CDH4: variants seen among roughly 807,000 people sequenced by gnomAD.
CDH4 encodes cadherin 4, also known as cadherin-4.
CDH4 carries 33 observed loss-of-function variants against 86.0 expected under a neutral mutation model. The ratio of observed to expected loss-of-function variants is 0.38; its 90% confidence interval spans 0.29 to 0.51. The LOEUF is 0.51. Among genes scored for constraint, CDH4 ranks in the 20% least tolerant of loss-of-function variants. The pLI is 0.86. For synonymous variants in CDH4, 555 were observed against 549.4 expected (o/e 1.01, Z -0.14); for missense variants, 1,114 against 1,307.4 (o/e 0.85, Z 2.28).
Position 61,336,045 on chromosome 20 carries a change from C to T in CDH4, c.169+81108C>T, listed in dbSNP as rs971294120. On this transcript the variant is annotated intron_variant, in intron 2 of 15. Coordinates refer to ENST00000614565, the MANE Select transcript of CDH4 (RefSeq NM_001794.5). ...CTCAAGGTTTTTTGTCATTATCCAGCTTGTTTTCGATACTGTGGGGGAGAA... is the reference window on the plus strand; with the variant it reads ...CTCAAGGTTTTTTGTCATTATCCAGTTTGTTTTCGATACTGTGGGGGAGAA... Among the ~76,000 whole-genome samples the T allele has an allele frequency of 4.6e-5, 7 of 152,150 alleles. No individual in the cohort carries two copies. The East Asian group carries it at 1.2e-3, about 25-fold the overall frequency.
intron 2 of CDH4, among the ~76,000 whole-genome samples, chr20:61,594,902 C>T (rs2086544214): frequency 6.6e-6 from 1 of 152,228 alleles, no homozygotes; most frequent in African/African-American, 2.4e-5. Context: ...TCATGAAGTC[C>T]TCAGTGTGGC....
At chr20:61,369,332 T>G (rs1209167793) in intron 2 of CDH4, among the ~76,000 whole-genome samples, 1 of 150,756 alleles carries the variant, frequency 6.6e-6, no homozygotes, top group African/African-American at 2.4e-5. Flanking sequence ...GCACCTGTAG[T>G]CCCAGCTACT....
At chr20:61,346,136 A>T (rs2084678174) in intron 2 of CDH4, among the ~76,000 whole-genome samples, 1 of 152,158 alleles carries the variant, frequency 6.6e-6, no homozygotes, top group African/African-American at 2.4e-5. Context: ...GGTGATGTGC[A>T]GTCAGGACAG....
chr20:61,731,489 T>C (rs796223313), intron 2 of CDH4, among the ~76,000 whole-genome samples: 42 of 152,212 alleles, frequency 2.8e-4, no homozygotes, highest in African/African-American at 9.9e-4. Flanking sequence ...GCCCATAGGG[T>C]GCACCTGGAG....
chr20:61,469,600 T>C (rs993856711), intron 2 of CDH4, among the ~76,000 whole-genome samples: 3 of 152,220 alleles, frequency 2.0e-5, no homozygotes, highest in Admixed American at 6.5e-5. Flanking sequence ...TTTAGTTGCC[T>C]GTGCTTGTGG....
intron 2 of CDH4, among the ~76,000 whole-genome samples, chr20:61,605,230 G>A (rs1288112207): frequency 6.6e-6 from 1 of 152,184 alleles, no homozygotes; most frequent in Non-Finnish European, 1.5e-5. Flanking sequence ...TTGGATGAAT[G>A]CCCTCGGGGT....
At chr20:61,432,042 C>T (rs1024969019) in intron 2 of CDH4, among the ~76,000 whole-genome samples, 4 of 152,188 alleles carry the variant, frequency 2.6e-5, no homozygotes, top group Non-Finnish European at 5.9e-5. Context: ...ATCCGTTCCC[C>T]TTCTGATGTG....
chr20:61,624,409 A>G (rs1342722322), intron 2 of CDH4, among the ~76,000 whole-genome samples: 1 of 152,212 alleles, frequency 6.6e-6, no homozygotes, highest in African/African-American at 2.4e-5. Flanking sequence ...TGGTCACTGA[A>G]TCCCTCTCTG....
intron 2 of CDH4, among the ~76,000 whole-genome samples, chr20:61,358,186 C>T (rs891776793): frequency 2.0e-5 from 3 of 152,162 alleles, no homozygotes; most frequent in African/African-American, 7.2e-5. Context: ...GCACAGAAAC[C>T]TCGAAACCCC....
intron 2 of CDH4, among the ~76,000 whole-genome samples, chr20:61,459,727 C>T (rs767246254): frequency 6.6e-6 from 1 of 151,896 alleles, no homozygotes; most frequent in African/African-American, 2.4e-5. Flanking sequence ...ATGTCTCTTC[C>T]TGTGGTTGTC....
At chr20:61,671,345 A>T (rs2087384901) in intron 2 of CDH4, among the ~76,000 whole-genome samples, 1 of 152,142 alleles carries the variant, frequency 6.6e-6, no homozygotes, top group South Asian at 2.1e-4. Context: ...TAATTTTAAA[A>T]ATTAGCTGGG....
chr20:61,891,394 C>G (rs1046914264), intron 7 of CDH4, among the ~76,000 whole-genome samples: 14 of 152,206 alleles, frequency 9.2e-5, no homozygotes, highest in Admixed American at 3.3e-4. Flanking sequence ...ACAGCCTCCC[C>G]CTGGAACCCT....
intron 2 of CDH4, among the ~76,000 whole-genome samples, chr20:61,711,412 G>T (rs576013789): frequency 6.6e-6 from 1 of 152,182 alleles, no homozygotes; most frequent in Non-Finnish European, 1.5e-5. Context: ...GGCTAGCCAA[G>T]TAGTTGGCAG....
At chr20:61,375,923 T>A (rs1240621589) in intron 2 of CDH4, among the ~76,000 whole-genome samples, 2 of 151,220 alleles carry the variant, frequency 1.3e-5, no homozygotes, top group East Asian at 2.0e-4. Flanking sequence ...ATGGTCTTGG[T>A]GCTGGTGATG....
chr20:61,838,619 C>T (rs1981984091), intron 4 of CDH4, among the ~76,000 whole-genome samples: 1 of 151,968 alleles, frequency 6.6e-6, no homozygotes, highest in South Asian at 2.1e-4. Flanking sequence ...TCAAGACGGG[C>T]AACATGGTGA....
rs1388061717 is a variant in CDH4, at chr20:61,518,210, G to A, written c.170-225353G>A. The stretch of plus-strand genomic sequence containing the variant: ...ATCATCCCTTTATCGAACACCACCA[G>A]TTCCTAGGACGAGGAAGCCCGTGCC... On this transcript the variant is annotated intron_variant, in intron 2 of 15. Transcript: ENST00000614565. This position sits in a 1 kb window ranked among gnomAD's most constrained non-coding sequence, Gnocchi z 6.3. Among the ~76,000 whole-genome samples, 5 of 152,188 alleles carry A rather than the reference G, an allele frequency of 3.3e-5. No individual in the cohort carries two copies. The highest frequency in any genetic ancestry group is 4.8e-5 in the African/African-American group (2 of 41,450).
chr20:61,360,854 C>T (rs924432950), intron 2 of CDH4, among the ~76,000 whole-genome samples: 4 of 152,160 alleles, frequency 2.6e-5, no homozygotes, highest in Non-Finnish European at 5.9e-5. Context: ...TACTTGTGAA[C>T]CGATAGTTTT....
chr20:61,285,081 T>TTGTTTG (rs1555833429), intron 2 of CDH4, among the ~76,000 whole-genome samples: 10 of 149,456 alleles, frequency 6.7e-5, no homozygotes, highest in African/African-American at 1.8e-4. Flanking sequence ...TGTTTTTTTT[T>TTGTTTG]TTTGTTTGTT....
rs1001329293 is a variant in CDH4, at chr20:61,709,477, T to C, written c.170-34086T>C. ...TTTTAGGAGGGACGGGGTTTCACCATGTTGGCCAGGCTGGTCTCGAACCCC... is the reference window on the plus strand; with the variant it reads ...TTTTAGGAGGGACGGGGTTTCACCACGTTGGCCAGGCTGGTCTCGAACCCC... On this transcript the variant is annotated intron_variant, in intron 2 of 15. Transcript: ENST00000614565. This position sits in a 1 kb window ranked among gnomAD's most constrained non-coding sequence, Gnocchi z 4.8. 6.6e-6 allele frequency among the ~76,000 whole-genome samples: 1 copy of C among 152,066 alleles called. No individual in the cohort carries two copies. The highest frequency in any genetic ancestry group is 1.5e-5 in the Non-Finnish European group (1 of 68,012).
Sources: allele counts gnomAD v4.1 joint callset (sites outside exome capture counted in the v4.1 genomes callset), GRCh38; gene constraint gnomAD v4.1.1; non-coding constraint Gnocchi (gnomAD v3.1); transcripts MANE v1.5; gene names NCBI Gene and HGNC (gene_info 2026-07-23, HGNC 2026-07-21).